ELMO2: variants seen among roughly 807,000 people sequenced by gnomAD.
The protein encoded by ELMO2 is engulfment and cell motility protein 2.
Under a neutral mutation model 96.2 loss-of-function variants are expected in ELMO2, and 37 were observed. The ratio of observed to expected loss-of-function variants is 0.38; its 90% CI spans 0.30 to 0.51. The LOEUF (loss-of-function observed/expected upper bound fraction) is 0.51. Ranked by LOEUF, ELMO2 falls within the 20% of genes least tolerant of loss-of-function variation. The pLI is 0.88. For synonymous variants in ELMO2, 315 were observed against 329.4 expected (o/e 0.96, Z 0.47); for missense variants, 561 against 912.6 (o/e 0.61, Z 4.96).
At chr20:46,405,044 T>C (rs2145868614) in intron 1 of ELMO2, among the ~76,000 whole-genome samples, 1 of 152,346 alleles carries the variant, frequency 6.6e-6, no homozygotes, top group East Asian at 1.9e-4. Flanking sequence ...ACCCTGCATC[T>C]ATTTATTTGG....
In ELMO2 at chr20:46,367,531, G is replaced by T; in HGVS notation, c.1992C>A (p.Ala664=). 6.2e-7 allele frequency: 1 copy of T among 1,613,478 alleles called. No individual in the cohort carries two copies. Among genetic ancestry groups the T allele is most frequent in the Non-Finnish European group, 8.5e-7 (1 of 1,179,758 alleles). ...EYCIWIDGLS[A]LLGKDMSSEL... Reference sequence around the variant, plus strand: ...CACTGGACATGTCCTTCCCCAGAAGGGCACTGAGGCCATCAATCCAGATGC... The same window carrying T: ...CACTGGACATGTCCTTCCCCAGAAGTGCACTGAGGCCATCAATCCAGATGC... Residue 664 remains alanine, a synonymous_variant, in exon 22 of 22, where the codon GCC becomes GCA. Coordinates refer to ENST00000290246, the MANE Select transcript of ELMO2 (RefSeq NM_133171.5).
intron 1 of ELMO2, among the ~76,000 whole-genome samples, chr20:46,399,956 A>G (rs1264441788): frequency 1.3e-5 from 2 of 152,138 alleles, no homozygotes; most frequent in Non-Finnish European, 2.9e-5. Flanking sequence ...TCAGGCCAGG[A>G]GTTCGAGACA....
At chr20:46,397,652 C>T (rs1267903155) in intron 2 of ELMO2, among the ~76,000 whole-genome samples, 1 of 152,120 alleles carries the variant, frequency 6.6e-6, no homozygotes, top group African/African-American at 2.4e-5. Flanking sequence ...GCCTGGGCGA[C>T]GGAATGAGAC....
At chr20:46,406,152 C>A (rs1175822043) in intron 1 of ELMO2, among the ~76,000 whole-genome samples, 2 of 152,162 alleles carry the variant, frequency 1.3e-5, no homozygotes, top group African/African-American at 2.4e-5. Context: ...TCAACTCGTG[C>A]GGGCCCGCCC....
At chr20:46,384,085 T>C (rs2060001096) in intron 9 of ELMO2, among the ~76,000 whole-genome samples, 1 of 152,176 alleles carries the variant, frequency 6.6e-6, no homozygotes, top group Admixed American at 6.5e-5. Context: ...AAGGTACACA[T>C]AGTATATATA....
intron 11 of ELMO2, among the ~76,000 whole-genome samples, chr20:46,377,730 G>A (rs1395057161): frequency 1.3e-5 from 2 of 152,196 alleles, no homozygotes; most frequent in Middle Eastern, 3.4e-3. Context: ...TGTAGCTCCC[G>A]CCCTGTCACA....
intron 7 of ELMO2, chr20:46,387,932 C>T (rs906213567): frequency 3.3e-5 from 5 of 153,002 alleles, no homozygotes; most frequent in African/African-American, 1.2e-4. Flanking sequence ...AGTCTCACAG[C>T]GTTAACCTCA....
At chr20:46,401,618 C>A (rs2060337370) in intron 1 of ELMO2, among the ~76,000 whole-genome samples, 1 of 152,204 alleles carries the variant, frequency 6.6e-6, no homozygotes, top group African/African-American at 2.4e-5. Flanking sequence ...TCAACTTACT[C>A]CAGTTCCACC....
At chr20:46,397,804 G>A (rs553571796) in intron 2 of ELMO2, among the ~76,000 whole-genome samples, 3 of 152,296 alleles carry the variant, frequency 2.0e-5, no homozygotes, top group East Asian at 1.9e-4. Flanking sequence ...AGATCCGTAC[G>A]AGCCAAAGAT....
chr20:46,368,922 G>A lies in ELMO2; in HGVS notation c.1931C>T (p.Thr644Ile), dbSNP rs969548862. Residue 644 changes from threonine to isoleucine, a missense_variant, in exon 21 of 22, where the codon ACC (threonine) becomes ATC (isoleucine). Coordinates refer to ENST00000290246, the MANE Select transcript of ELMO2 (RefSeq NM_133171.5). Reference protein sequence around the residue: ...AFSILYDPDETLNFIAPNKYE... With the variant: ...AFSILYDPDEILNFIAPNKYE... ...TTTATTAGGTGCGATGAAGTTTAAGGTCTCATCAGGGTCATACAGGATGGA... is the reference window on the plus strand; with the variant it reads ...TTTATTAGGTGCGATGAAGTTTAAGATCTCATCAGGGTCATACAGGATGGA... The A allele has an allele frequency of 6.2e-7, 1 of 1,614,198 alleles. No homozygotes were observed. Among genetic ancestry groups the A allele is most frequent in the Admixed American group, 1.7e-5 (1 of 60,030 alleles).
intron 15 of ELMO2, 21 bp from the exon 16 acceptor site, chr20:46,373,556 G>A: frequency 1.9e-6 from 3 of 1,613,128 alleles, no homozygotes; most frequent in Non-Finnish European, 2.5e-6. Context: ...GAAAAAACAG[G>A]GAGAAGATGA....
At chr20:46,372,307 C>T (rs981523372) in intron 16 of ELMO2, among the ~76,000 whole-genome samples, 1 of 152,088 alleles carries the variant, frequency 6.6e-6, no homozygotes, top group African/African-American at 2.4e-5. Flanking sequence ...ATCTCTAAAC[C>T]GAGAGAAAGG....
chr20:46,393,018 CAG>C, intron 6 of ELMO2, 73 bp downstream of exon 6: 2 of 1,295,964 alleles, frequency 1.5e-6, no homozygotes, highest in Non-Finnish European at 1.1e-6. Context: ...ATTTCTAGAA[CAG>C]AGTCTGGCCC....
At position 46,393,513 on chromosome 20, in the gene ELMO2, C is replaced by T. The variant is rs1380862120; in HGVS notation, c.192+16G>A. On this transcript the variant is annotated intron_variant, in intron 5 of 21. Transcript: ENST00000290246. Reference sequence around the variant, plus strand: ...CAAGCAAGGCCCATATTGATTTTGCCTCTCCCTGTACTAACCTGTTCGGTG... The same window carrying T: ...CAAGCAAGGCCCATATTGATTTTGCTTCTCCCTGTACTAACCTGTTCGGTG... 4 of 1,612,708 alleles carry T rather than the reference C, an allele frequency of 2.5e-6. No homozygotes were observed. The highest frequency in any genetic ancestry group is 3.4e-6 in the Non-Finnish European group (4 of 1,179,644).
Position 46,371,784 on chromosome 20 carries a change from C to G in ELMO2, c.1580+22G>C, listed in dbSNP as rs2059717897. 6.2e-7 allele frequency: 1 copy of G among 1,613,876 alleles called. No homozygotes were observed. Among genetic ancestry groups the G allele is most frequent in the African/African-American group, 1.3e-5 (1 of 74,930 alleles). ...AGCTGGCAGCCACCTCCCCCGCCAG[C>G]CTCCCCTGAGATGGAACTTACACAA... On this transcript the variant is annotated intron_variant, in intron 17 of 21. Transcript: ENST00000290246. The surrounding 1 kb of genome is among the most constrained non-coding windows in gnomAD (Gnocchi z 5.9).
intron 16 of ELMO2, chr20:46,373,007 C>G (rs918514797): frequency 1.2e-5 from 2 of 169,388 alleles, no homozygotes; most frequent in Non-Finnish European, 2.5e-5. Context: ...CGATTAAGTA[C>G]CCAGGGTGTG....
chr20:46,371,463 G>A lies in ELMO2; in HGVS notation c.1694-4C>T. ...AACCGGCAGTACCAGAACCGTTCTG[G>A]AACACAAGGGAAGCCAAACAGGTGA... On this transcript the variant is annotated splice_polypyrimidine_tract_variant and splice_region_variant and intron_variant, in intron 18 of 21. Transcript: ENST00000290246. The surrounding 1 kb of genome is among the most constrained non-coding windows in gnomAD (Gnocchi z 5.9). 1 of 1,614,214 alleles carries A rather than the reference G, an allele frequency of 6.2e-7. No homozygotes were observed. Among genetic ancestry groups the A allele is most frequent in the Non-Finnish European group, 8.5e-7 (1 of 1,180,040 alleles).
intron 11 of ELMO2, among the ~76,000 whole-genome samples, chr20:46,376,401 C>A (rs753153152): frequency 6.6e-5 from 10 of 151,946 alleles, no homozygotes; most frequent in African/African-American, 2.4e-4. Flanking sequence ...CTCCCTGTGC[C>A]GCCCACACCA....
intron 16 of ELMO2, 84 bp from the exon 17 acceptor site, chr20:46,372,053 TGCCCCAG>T: frequency 6.4e-7 from 1 of 1,567,040 alleles, no homozygotes; most frequent in Non-Finnish European, 8.7e-7. Flanking sequence ...GGCTCTTTCC[TGCCCCAG>T]GGTCTTGAGC....
Sources: gnomAD v4.1 joint callset for allele counts (sites outside exome capture counted in the v4.1 genomes callset) on GRCh38, gnomAD v4.1.1 for gene constraint, Gnocchi (gnomAD v3.1) non-coding constraint, MANE v1.5 for transcripts, NCBI Gene and HGNC (gene_info 2026-07-23, HGNC 2026-07-21) for gene names.